Variants in LEFTY2 observed in about 807,000 individuals in gnomAD.
LEFTY2 encodes TGF-beta-4.
LEFTY2 carries 10 observed loss-of-function variants against 26.4 expected under a neutral mutation model. The observed-to-expected ratio is 0.38, with a 90% confidence interval of 0.23 to 0.64. LEFTY2 has a LOEUF of 0.64. Ranked by LOEUF, LEFTY2 falls within the 30% of genes least tolerant of loss-of-function variation. LEFTY2 has a pLI of 0.56. For synonymous variants in LEFTY2, 204 were observed against 234.1 expected (o/e 0.87, Z 1.17); for missense variants, 407 against 502.1 (o/e 0.81, Z 1.81).
In LEFTY2 at chr1:225,940,941, C is replaced by G. The variant is rs757490152; in HGVS notation, c.200G>C (p.Arg67Pro). ...VRAQYVVLLR[R>P]SHGDRSRGKR... The stretch of plus-strand genomic sequence containing the variant: ...TCCGCGGGAGCGGTCCCCGTGGCTG[C>G]GCCGCAGCAGGACTACATACTGGGC... Residue 67 changes from arginine (R) to proline (P), a missense_variant, in exon 1 of 4, where the codon CGC (arginine) becomes CCC (proline). Transcript: ENST00000366820. 1 of 1,613,652 alleles carries G rather than the reference C, an allele frequency of 6.2e-7. No individual in the cohort carries two copies.
At chr1:225,938,898 C>T (rs1233952651) in intron 3 of LEFTY2, among the ~76,000 whole-genome samples, 3 of 130,438 alleles carry the variant, frequency 2.3e-5, no homozygotes, top group East Asian at 4.4e-4. Context: ...GACAGAATCA[C>T]GCTCTGTCCT....
chr1:225,941,158 G>A lies in LEFTY2; in HGVS notation c.-18C>T, dbSNP rs1324430058. 6.5e-7 allele frequency: 1 copy of A among 1,528,432 alleles called. No individual in the cohort carries two copies. Among genetic ancestry groups the A allele is most frequent in the Non-Finnish European group, 8.7e-7 (1 of 1,143,582 alleles). The allele number at this position is 1,528,432 out of a possible 1,614,324, so 94.7% of individuals were successfully genotyped here. ...GGCCACATGGTGCTGCCCTGGGGGAGCAGGAGGCAGAGTGGGGCTGTCCTC... is the reference window on the plus strand; with the variant it reads ...GGCCACATGGTGCTGCCCTGGGGGAACAGGAGGCAGAGTGGGGCTGTCCTC... On this transcript the variant is annotated 5_prime_UTR_variant, in exon 1 of 4. Coordinates refer to ENST00000366820, the MANE Select transcript of LEFTY2 (RefSeq NM_003240.5).
Position 225,937,367 on chromosome 1 carries a change from T to A in LEFTY2, c.*74A>T. On this transcript the variant is annotated 3_prime_UTR_variant, in exon 4 of 4. Transcript: ENST00000366820. ...TTGGGATGGAGTAACTTGCTAAGTA[T>A]AAAGTTAAGACCTACATTAAGACCA... 1 of 1,606,836 alleles carries A rather than the reference T, an allele frequency of 6.2e-7. No individual in the cohort carries two copies. The highest frequency in any genetic ancestry group is 8.5e-7 in the Non-Finnish European group (1 of 1,177,828).
At position 225,937,150 on chromosome 1, in the gene LEFTY2, A is replaced by G. The variant is rs1576154815; in HGVS notation, c.*291T>C. ...TTCCAGACTCAGTGAAGAATTTGCC[A>G]GAGAACAGAAACTCCCAGCTGAAAA... On this transcript the variant is annotated 3_prime_UTR_variant, in exon 4 of 4. Coordinates refer to ENST00000366820, the MANE Select transcript of LEFTY2 (RefSeq NM_003240.5). 1.8e-6 allele frequency: 1 copy of G among 542,300 alleles called. No individual in the cohort carries two copies. The highest frequency in any genetic ancestry group is 3.3e-5 in the East Asian group (1 of 30,516). The allele number at this position is 542,300 out of a possible 1,614,324, so 33.6% of individuals were successfully genotyped here. A position where few individuals can be genotyped will look rare whatever the true frequency, so the allele number is the denominator to read the frequency against.
chr1:225,937,877 G>A, intron 3 of LEFTY2, 73 bp from the exon 4 acceptor site: 3 of 1,528,208 alleles, frequency 2.0e-6, no homozygotes, highest in Non-Finnish European at 2.6e-6. Context: ...GCACAGCTTA[G>A]TGGGCACCTG....
rs1672246083 is a variant in LEFTY2, at chr1:225,939,451, T to C, written c.647A>G (p.His216Arg). The C allele has an allele frequency of 6.2e-7, 1 of 1,610,654 alleles. No individual in the cohort carries two copies. Among genetic ancestry groups the C allele is most frequent in the Non-Finnish European group, 8.5e-7 (1 of 1,179,096 alleles). The part of the protein sequence containing the change: ...EHLGPLASGA[H>R]KLVRFASQGA... ...CTGCGAGGCAAAGCGGACCAGCTTG[T>C]GGGCGCCGGACGCCAGCGGGCCCAG... Residue 216 changes from histidine (H) to arginine (R), a missense_variant, in exon 3 of 4, where the codon CAC becomes CGC. By Grantham distance (29) the His-to-Arg change is conservative. Coordinates refer to ENST00000366820, the MANE Select transcript of LEFTY2 (RefSeq NM_003240.5). This position sits in a 1 kb window ranked among gnomAD's most constrained non-coding sequence, Gnocchi z 4.1.
rs1314628981 is a variant in LEFTY2, at chr1:225,940,558, C to T, written c.250+333G>A. Among the ~76,000 whole-genome samples, 6 of 152,192 alleles carry T rather than the reference C, an allele frequency of 3.9e-5. No homozygotes were observed. In the East Asian group the frequency reaches 9.6e-4, roughly 24 times the overall value. ...CAGAGTGGCAGTGTGAAAACATACC[C>T]TGGGAGTCCAGCTGCACCAAGTGCC... On this transcript the variant is annotated intron_variant, in intron 1 of 3. Coordinates refer to ENST00000366820, the MANE Select transcript of LEFTY2 (RefSeq NM_003240.5).
intron 1 of LEFTY2, 25 bp downstream of exon 1, chr1:225,940,866 G>T: frequency 6.2e-7 from 1 of 1,613,122 alleles, no homozygotes; most frequent in Non-Finnish European, 8.5e-7. Context: ...ATGGGACCGG[G>T]GCCAGCAGGG....
In LEFTY2 at chr1:225,939,283, C is replaced by T. The variant is rs1672238237; in HGVS notation, c.737+78G>A. On this transcript the variant is annotated intron_variant, in intron 3 of 3. Coordinates refer to ENST00000366820, the MANE Select transcript of LEFTY2 (RefSeq NM_003240.5). The surrounding 1 kb of genome is among the most constrained non-coding windows in gnomAD (Gnocchi z 4.1). ...CCCTAGCCCACCGCCACCATCCGGT[C>T]CCCCAGACAGTCCTGGGGACGGGGG... The T allele has an allele frequency of 1.3e-6, 2 of 1,597,702 alleles. No individual in the cohort carries two copies. The highest frequency in any genetic ancestry group is 8.5e-7 in the Non-Finnish European group (1 of 1,172,440).
chr1:225,940,193 G>C (rs1320820012), intron 1 of LEFTY2, 191 bp from the exon 2 acceptor site: 1 of 952,046 alleles, frequency 1.1e-6, no homozygotes, highest in African/African-American at 1.6e-5. Flanking sequence ...AGGCAGGGGG[G>C]CCTGTGGGAC....
In LEFTY2 at chr1:225,937,359, G is replaced by A; in HGVS notation, c.*82C>T. The A allele has an allele frequency of 1.2e-6, 2 of 1,600,594 alleles. No individual in the cohort carries two copies. Among genetic ancestry groups the A allele is most frequent in the Non-Finnish European group, 1.7e-6 (2 of 1,174,010 alleles). On this transcript the variant is annotated 3_prime_UTR_variant, in exon 4 of 4. Transcript: ENST00000366820. The stretch of plus-strand genomic sequence containing the variant: ...GCACTAAATTGGGATGGAGTAACTT[G>A]CTAAGTATAAAGTTAAGACCTACAT...
rs1278529233 is a variant in LEFTY2, at chr1:225,937,208, G to T, written c.*233C>A. 1.6e-6 allele frequency: 1 copy of T among 630,928 alleles called. No individual in the cohort carries two copies. The highest frequency in any genetic ancestry group is 2.7e-6 in the Non-Finnish European group (1 of 364,270). 39.1% of individuals were successfully genotyped at this position (630,928 alleles called of 1,614,324 possible). On this transcript the variant is annotated 3_prime_UTR_variant, in exon 4 of 4. Coordinates refer to ENST00000366820, the MANE Select transcript of LEFTY2 (RefSeq NM_003240.5). ...ATTGCTCAGCTGTATCTTGTAATCA[G>T]CATGCCAGCATTTCCTACTAGAGCT... is the stretch of plus-strand genomic sequence containing the variant.
rs763081514 is a variant in LEFTY2, at chr1:225,937,423, A to G, written c.*18T>C. Reference sequence around the variant, plus strand: ...ATGCACACGTTCAGTTAGAGGGCTCAATGGATACACCAGGCGCCTATGGCT... The same window carrying G: ...ATGCACACGTTCAGTTAGAGGGCTCGATGGATACACCAGGCGCCTATGGCT... On this transcript the variant is annotated 3_prime_UTR_variant, in exon 4 of 4. Transcript: ENST00000366820. 1.9e-6 allele frequency: 3 copies of G among 1,613,798 alleles called. No homozygotes were observed. The highest frequency in any genetic ancestry group is 2.7e-5 in the African/African-American group (2 of 74,932).
In LEFTY2 at chr1:225,937,122, T is replaced by C. The variant is rs1025525006; in HGVS notation, c.*319A>G. 2 of 490,102 alleles carry C rather than the reference T, an allele frequency of 4.1e-6. No homozygotes were observed. Among genetic ancestry groups the C allele is most frequent in the African/African-American group, 3.9e-5 (2 of 51,572 alleles). The allele number at this position is 490,102 out of a possible 1,614,324, so 30.4% of individuals were successfully genotyped here. A position where few individuals can be genotyped will look rare whatever the true frequency, so the allele number is the denominator to read the frequency against. ...CCCCAGTTCTAATCATAGGGTATTA[T>C]TGTTCCAGACTCAGTGAAGAATTTG... On this transcript the variant is annotated 3_prime_UTR_variant, in exon 4 of 4. Coordinates refer to ENST00000366820, the MANE Select transcript of LEFTY2 (RefSeq NM_003240.5).
chr1:225,939,780 T>C lies in LEFTY2; in HGVS notation c.473A>G (p.Asn158Ser). 1 of 1,583,842 alleles carries C rather than the reference T, an allele frequency of 6.3e-7. No homozygotes were observed. Among genetic ancestry groups the C allele is most frequent in the Non-Finnish European group, 8.6e-7 (1 of 1,168,696 alleles). The change falls in exon 2 of 4, where the codon AAC becomes AGC. Residue 158 changes from asparagine (N) to serine (S), a missense_variant. Physicochemically the swap from Asn to Ser is conservative, Grantham distance 46. Coordinates refer to ENST00000366820, the MANE Select transcript of LEFTY2 (RefSeq NM_003240.5). The surrounding 1 kb of genome is among the most constrained non-coding windows in gnomAD (Gnocchi z 4.1). ...EWLRVRDDGS[N>S]RTSLIDSRLV... Reference sequence around the variant, plus strand: ...CCTGGAGTCGATGAGGGAGGTGCGGTTGGAGCCGTCGTCGCGGACGCGCAG... The same window carrying C: ...CCTGGAGTCGATGAGGGAGGTGCGGCTGGAGCCGTCGTCGCGGACGCGCAG...
chr1:225,940,932 C>G lies in LEFTY2; in HGVS notation c.209G>C (p.Gly70Ala), dbSNP rs753274618. 1 of 1,613,628 alleles carries G rather than the reference C, an allele frequency of 6.2e-7. No homozygotes were observed. The highest frequency in any genetic ancestry group is 8.5e-7 in the Non-Finnish European group (1 of 1,179,800). ...GAACCTCTTTCCGCGGGAGCGGTCC[C>G]CGTGGCTGCGCCGCAGCAGGACTAC... Reference protein sequence around the residue: ...QYVVLLRRSHGDRSRGKRFSQ... With the variant: ...QYVVLLRRSHADRSRGKRFSQ... The change falls in exon 1 of 4, where the codon GGG becomes GCG. Residue 70 changes from glycine to alanine, a missense_variant. Physicochemically the swap from Gly to Ala is moderately conservative, Grantham distance 60. Coordinates refer to ENST00000366820, the MANE Select transcript of LEFTY2 (RefSeq NM_003240.5).
intron 3 of LEFTY2, among the ~76,000 whole-genome samples, chr1:225,938,341 A>G (rs184362301): frequency 4.7e-4 from 71 of 152,392 alleles, no homozygotes; most frequent in Non-Finnish European, 7.3e-4. Flanking sequence ...CAAAGATTTA[A>G]TCATGGAGAA....
Position 225,937,442 on chromosome 1 carries a change from T to C in LEFTY2, c.1100A>G (p.Ter367TrpextTer11). Reference sequence around the variant, plus strand: ...GGGCTCAATGGATACACCAGGCGCCTATGGCTGGAGCCTCCTTGGCACGAG... The same window carrying C: ...GGGCTCAATGGATACACCAGGCGCCCATGGCTGGAGCCTCCTTGGCACGAG... Reference protein sequence around the residue: ...GALVPRRLQP* With the variant: ...GALVPRRLQPW The change falls in exon 4 of 4, where the codon TAG (stop) becomes TGG (tryptophan). Residue 367 changes from the stop codon to tryptophan, a stop_lost. Coordinates refer to ENST00000366820, the MANE Select transcript of LEFTY2 (RefSeq NM_003240.5). 1 of 1,613,930 alleles carries C rather than the reference T, an allele frequency of 6.2e-7. No individual in the cohort carries two copies. Among genetic ancestry groups the C allele is most frequent in the African/African-American group, 1.3e-5 (1 of 75,048 alleles).
chr1:225,938,419 A>G (rs976855850), intron 3 of LEFTY2, among the ~76,000 whole-genome samples: 6 of 152,260 alleles, frequency 3.9e-5, no homozygotes, highest in African/African-American at 1.4e-4. Context: ...AATCCATTGA[A>G]GATTGTCAAA....
Sources: allele counts gnomAD v4.1 joint callset (sites outside exome capture counted in the v4.1 genomes callset), GRCh38; gene constraint gnomAD v4.1.1; non-coding constraint Gnocchi (gnomAD v3.1); transcripts MANE v1.5; gene names NCBI Gene and HGNC (gene_info 2026-07-23, HGNC 2026-07-21).